The following ANXA8 variants were observed in gnomAD, a reference collection of about 807,000 sequenced individuals.
The protein encoded by ANXA8 is VAC-beta.
ANXA8 carries 9 observed loss-of-function variants against 26.8 expected under a neutral mutation model. The observed-to-expected ratio is 0.34, with a 90% confidence interval of 0.20 to 0.59. The LOEUF (loss-of-function observed/expected upper bound fraction) is 0.59, where lower values mean the gene tolerates loss of function less well. Ranked by LOEUF, ANXA8 falls within the 20% of genes least tolerant of loss-of-function variation. The pLI is 0.84. For synonymous variants in ANXA8, 39 were observed against 94.8 expected, an observed-to-expected ratio of 0.41 and a Z score of 3.42; for missense variants, 83 against 238.5, an observed-to-expected ratio of 0.35 and a Z score of 4.29.
chr10:47,498,575 C>T, the ANXA8 span, among the ~76,000 whole-genome samples: 5,099 of 115,554 alleles, frequency 0.044, 4 homozygotes, highest in Non-Finnish European at 0.061. Flanking sequence ...AACTGCCTGT[C>T]CTGTGCTGAG....
At chr10:47,497,512 A>G in the ANXA8 span, among the ~76,000 whole-genome samples, 7 of 148,194 alleles carry the variant, frequency 4.7e-5, no homozygotes, top group South Asian at 2.2e-4. Context: ...CCAGCTACTC[A>G]GGAGGCTGAG....
At chr10:47,705,906 C>G in the ANXA8 span, among the ~76,000 whole-genome samples, 1 of 149,668 alleles carries the variant, frequency 6.7e-6, no homozygotes, top group Non-Finnish European at 1.5e-5. Flanking sequence ...TAAAACGTCG[C>G]CCCGACGCAC....
the ANXA8 span, among the ~76,000 whole-genome samples, chr10:47,652,865 T>C: frequency 6.7e-6 from 1 of 149,672 alleles, no homozygotes; most frequent in Non-Finnish European, 1.5e-5. Flanking sequence ...AAATAGTGAG[T>C]GATGTGTTTC....
chr10:47,701,399 T>C, the ANXA8 span, among the ~76,000 whole-genome samples: 6 of 151,850 alleles, frequency 4.0e-5, no homozygotes, highest in African/African-American at 1.5e-4. Flanking sequence ...TCCAACAATA[T>C]GAAAATACAT....
At chr10:47,958,812 A>G in the ANXA8 span, among the ~76,000 whole-genome samples, 2 of 149,378 alleles carry the variant, frequency 1.3e-5, no homozygotes, top group East Asian at 2.1e-4. Context: ...AATGCTGGGC[A>G]CTTATAAAGC....
chr10:47,684,418 T>A, the ANXA8 span, among the ~76,000 whole-genome samples: 1 of 129,410 alleles, frequency 7.7e-6, no homozygotes, highest in Non-Finnish European at 1.6e-5. Context: ...AGTCAAGTTT[T>A]TTTTTGGGGG....
chr10:47,923,043 GC>G, the ANXA8 span: 42 of 509,908 alleles, frequency 8.2e-5, no homozygotes, highest in Admixed American at 3.7e-4. Flanking sequence ...CAGAGCATCT[GC>G]CCCTGTCCAC....
chr10:47,672,547 C>T, the ANXA8 span, among the ~76,000 whole-genome samples: 2 of 151,486 alleles, frequency 1.3e-5, no homozygotes, highest in Non-Finnish European at 2.9e-5. Context: ...TGTTTTATAG[C>T]TGGGGCTATA....
rs1225104019 is a variant in ANXA8, at chr10:47,483,869, C to A, written c.21+44G>T. ...TCAGGACTCCCTGGTGACCAGCACC[C>A]AACACCATGCAGGAACCCAAATCTC... On this transcript the variant is annotated intron_variant, in intron 1 of 11. Coordinates refer to ENST00000585281, the MANE Select transcript of ANXA8 (RefSeq NM_001040084.3). 2.5e-6 allele frequency: 4 copies of A among 1,611,564 alleles called. No individual in the cohort carries two copies. The African/African-American group carries it at 5.4e-5, about 22-fold the overall frequency.
the ANXA8 span, among the ~76,000 whole-genome samples, chr10:47,943,578 C>T: frequency 6.7e-6 from 1 of 149,888 alleles, no homozygotes; most frequent in Admixed American, 6.6e-5. Context: ...CTCCTGTGTT[C>T]ATCCTGAGCC....
chr10:47,609,359 AG>A, the ANXA8 span, among the ~76,000 whole-genome samples: 579 of 138,940 alleles, frequency 4.2e-3, 15 homozygotes, highest in African/African-American at 0.016. Flanking sequence ...AAATGTCCTT[AG>A]GCAAGAAAGA....
At chr10:47,943,068 G>A in the ANXA8 span, among the ~76,000 whole-genome samples, 1 of 145,272 alleles carries the variant, frequency 6.9e-6, no homozygotes, top group South Asian at 2.2e-4. Flanking sequence ...TTGGACTTGG[G>A]ATCACACATT....
At chr10:47,678,811 G>A in the ANXA8 span, among the ~76,000 whole-genome samples, 1 of 149,422 alleles carries the variant, frequency 6.7e-6, no homozygotes, top group African/African-American at 2.5e-5. Flanking sequence ...GGGGCCGAGG[G>A]GGGTGCAGAT....
At chr10:47,767,385 G>A in the ANXA8 span, among the ~76,000 whole-genome samples, 2 of 152,314 alleles carry the variant, frequency 1.3e-5, no homozygotes, top group East Asian at 3.9e-4. Context: ...TCCAAATTGT[G>A]TCTCCTCCTG....
upstream of ANXA8, among the ~76,000 whole-genome samples, chr10:47,485,875 AAG>A (rs1213681773): frequency 6.6e-6 from 1 of 151,836 alleles, no homozygotes; most frequent in Non-Finnish European, 1.5e-5. Context: ...TTGGGAGGCC[AAG>A]ACAGGTGGAT....
At chr10:47,718,191 C>T in the ANXA8 span, among the ~76,000 whole-genome samples, 5 of 152,174 alleles carry the variant, frequency 3.3e-5, no homozygotes, top group Non-Finnish European at 7.3e-5. Flanking sequence ...TTTTTTTAGG[C>T]CAGACACATT....
At chr10:47,671,343 G>A in the ANXA8 span, among the ~76,000 whole-genome samples, 3 of 151,824 alleles carry the variant, frequency 2.0e-5, no homozygotes, top group East Asian at 5.8e-4. Flanking sequence ...GATAGCTTGA[G>A]CCCAGGAGGT....
the ANXA8 span, among the ~76,000 whole-genome samples, chr10:47,975,777 T>C: frequency 2.0e-5 from 3 of 148,818 alleles, no homozygotes; most frequent in Non-Finnish European, 3.0e-5. Context: ...CTGTCCTGGG[T>C]ACAGAGAAGG....
chr10:47,702,766 C>T, the ANXA8 span, among the ~76,000 whole-genome samples: 15 of 151,704 alleles, frequency 9.9e-5, 1 homozygote, highest in African/African-American at 2.4e-4. Flanking sequence ...TCCAAGTAGC[C>T]GGCACCATAG....
Sources: allele counts gnomAD v4.1 joint callset (sites outside exome capture counted in the v4.1 genomes callset), GRCh38; gene constraint gnomAD v4.1.1; transcripts MANE v1.5; gene names NCBI Gene and HGNC (gene_info 2026-07-23, HGNC 2026-07-21).